CMSS1: variants seen among roughly 807,000 people sequenced by gnomAD.
CMSS1 encodes the protein protein CMSS1.
In CMSS1, 33 loss-of-function variants were observed where a neutral mutation model predicts 43.5. That is an observed-to-expected ratio of 0.76 (90% CI 0.57 to 1.01). The LOEUF is 1.01. CMSS1 is among the 50% of genes least tolerant of loss of function. The pLI, the probability that CMSS1 is intolerant of heterozygous loss-of-function variation, is 0.00. For synonymous variants in CMSS1, 115 were observed against 117.2 expected (o/e 0.98, Z 0.12); for missense variants, 313 against 326.4 (o/e 0.96, Z 0.32).
intron 1 of CMSS1, among the ~76,000 whole-genome samples, chr3:99,824,114 G>T (rs1159966937): frequency 2.6e-5 from 4 of 152,026 alleles, no homozygotes; most frequent in Middle Eastern, 3.4e-3. Flanking sequence ...GCAGAGACGG[G>T]ATTTCACCAT....
chr3:99,968,345 A>G (rs907844201), intron 1 of CMSS1, among the ~76,000 whole-genome samples: 2 of 152,044 alleles, frequency 1.3e-5, no homozygotes, highest in African/African-American at 4.8e-5. Flanking sequence ...AGAAACAGGG[A>G]TTAAGATAAA....
At chr3:100,163,991 T>C (rs2067046632) in intron 4 of CMSS1, among the ~76,000 whole-genome samples, 1 of 152,246 alleles carries the variant, frequency 6.6e-6, no homozygotes, top group African/African-American at 2.4e-5. Context: ...GATATCCTTT[T>C]TCAAAAACAC....
At chr3:100,149,202 T>C (rs2066881120) in intron 2 of CMSS1, among the ~76,000 whole-genome samples, 1 of 152,168 alleles carries the variant, frequency 6.6e-6, no homozygotes, top group African/African-American at 2.4e-5. Flanking sequence ...GTTAATACTG[T>C]TACTGTATAA....
intron 1 of CMSS1, among the ~76,000 whole-genome samples, chr3:100,048,971 G>T (rs1036069473): frequency 4.6e-5 from 7 of 152,102 alleles, no homozygotes; most frequent in Non-Finnish European, 7.4e-5. Flanking sequence ...ACACACAATT[G>T]TCTATTTTCA....
chr3:99,975,915 C>T (rs1451474633), intron 1 of CMSS1, among the ~76,000 whole-genome samples: 5 of 152,150 alleles, frequency 3.3e-5, no homozygotes, highest in South Asian at 2.1e-4. Flanking sequence ...GTTAGAGTCA[C>T]GCTCTGTTGT....
intron 1 of CMSS1, among the ~76,000 whole-genome samples, chr3:99,838,145 T>C (rs1942974750): frequency 6.6e-6 from 1 of 152,234 alleles, no homozygotes; most frequent in Non-Finnish European, 1.5e-5. Flanking sequence ...TAGGATAAAG[T>C]GGACACTGAC....
intron 1 of CMSS1, among the ~76,000 whole-genome samples, chr3:99,971,024 G>T (rs1708798319): frequency 6.6e-6 from 1 of 152,154 alleles, no homozygotes; most frequent in Non-Finnish European, 1.5e-5. Flanking sequence ...GCAAGGATTG[G>T]CAGGTTTTGG....
chr3:99,848,803 T>A, intron 1 of CMSS1: 4 of 1,614,170 alleles, frequency 2.5e-6, no homozygotes, highest in Non-Finnish European at 2.5e-6. Context: ...GGTTTTGGAC[T>A]TTACTGGTGT....
intron 1 of CMSS1, among the ~76,000 whole-genome samples, chr3:99,924,638 C>T (rs2107654684): frequency 6.6e-6 from 1 of 152,326 alleles, no homozygotes; most frequent in East Asian, 1.9e-4. Context: ...TCTGCCTCAG[C>T]CTCCCAAGTA....
intron 1 of CMSS1, among the ~76,000 whole-genome samples, chr3:99,994,933 T>C (rs554123691): frequency 1.3e-5 from 2 of 151,854 alleles, no homozygotes; most frequent in East Asian, 1.9e-4. Flanking sequence ...ATTATGGGAG[T>C]ACAATTCAAG....
At chr3:100,153,276 A>G (rs1238219577) in intron 2 of CMSS1, among the ~76,000 whole-genome samples, 3 of 152,226 alleles carry the variant, frequency 2.0e-5, no homozygotes, top group Non-Finnish European at 4.4e-5. Flanking sequence ...CTATTCTAAA[A>G]TGGCATATAA....
intron 1 of CMSS1, among the ~76,000 whole-genome samples, chr3:99,837,741 T>G (rs942493847): frequency 1.3e-5 from 2 of 152,234 alleles, no homozygotes; most frequent in Non-Finnish European, 2.9e-5. Context: ...AGTGCCAGTC[T>G]TATTAAGTTA....
chr3:100,106,455 A>C (rs1348042601), intron 1 of CMSS1, among the ~76,000 whole-genome samples: 2 of 152,106 alleles, frequency 1.3e-5, no homozygotes, highest in Non-Finnish European at 2.9e-5. Flanking sequence ...CTCCAGCAGA[A>C]ATGAGGGTAA....
rs13062283 is a variant in CMSS1, at chr3:100,168,743, T to G, written c.518+903T>G. ...AAAACTCCAATAGAATTGTGTTGTT[T>G]TTTTTTTTAACTGGATAAACTAGTT... On this transcript the variant is annotated intron_variant, in intron 6 of 9. Transcript: ENST00000421999. Among the ~76,000 whole-genome samples the G allele has an allele frequency of 6.7e-3, 1,022 of 151,770 alleles. 8 individuals carry two copies. Among genetic ancestry groups the G allele is most frequent in the South Asian group, 0.01 (50 of 4,808 alleles).
At chr3:99,984,840 G>T (rs982052354) in intron 1 of CMSS1, among the ~76,000 whole-genome samples, 3 of 152,146 alleles carry the variant, frequency 2.0e-5, no homozygotes, top group African/African-American at 7.2e-5. Context: ...TACATTCTTT[G>T]TTGCCAAACA....
At chr3:99,878,108 C>T (rs1705597032) in intron 1 of CMSS1, among the ~76,000 whole-genome samples, 1 of 152,146 alleles carries the variant, frequency 6.6e-6, no homozygotes, top group South Asian at 2.1e-4. Context: ...ATGCCCTTGC[C>T]TGGTACACTA....
intron 1 of CMSS1, chr3:99,848,589 A>G (rs550375139): frequency 6.2e-7 from 1 of 1,614,190 alleles, no homozygotes; most frequent in African/African-American, 1.3e-5. Flanking sequence ...TGAATATCGC[A>G]TGCTTGGCAC....
intron 1 of CMSS1, among the ~76,000 whole-genome samples, chr3:99,958,133 A>G (rs374820630): frequency 6.7e-6 from 1 of 149,644 alleles, no homozygotes; most frequent in African/African-American, 2.5e-5. Flanking sequence ...GGTTTGTTAC[A>G]TAGGTGAATC....
chr3:99,885,863 C>G (rs1705878935), intron 1 of CMSS1, among the ~76,000 whole-genome samples: 1 of 152,180 alleles, frequency 6.6e-6, no homozygotes, highest in Non-Finnish European at 1.5e-5. Context: ...CAATACAGCT[C>G]AACTCTGTAA....
Sources: gnomAD v4.1 joint callset for allele counts (sites outside exome capture counted in the v4.1 genomes callset) on GRCh38, gnomAD v4.1.1 for gene constraint, MANE v1.5 for transcripts, NCBI Gene and HGNC (gene_info 2026-07-23, HGNC 2026-07-21) for gene names.